Variants in ACSS3 observed in about 807,000 individuals in gnomAD.
The protein encoded by ACSS3 is acyl-CoA synthetase short-chain family member 3, mitochondrial.
A neutral mutation model predicts 84.2 loss-of-function variants in ACSS3; 64 were observed. That is an observed-to-expected ratio of 0.76 (90% confidence interval 0.62 to 0.94). The LOEUF (loss-of-function observed/expected upper bound fraction) is 0.94. Among genes scored for constraint, ACSS3 ranks in the 40% least tolerant of loss-of-function variants. The pLI, the probability that ACSS3 is intolerant of heterozygous loss-of-function variation, is 0.00. For synonymous variants in ACSS3, 317 were observed against 310.1 expected, an observed-to-expected ratio of 1.02 and a Z score of -0.23; for missense variants, 815 against 867.6, an observed-to-expected ratio of 0.94 and a Z score of 0.76.
At chr12:81,109,424 T>C in intron 1 of ACSS3, 136 bp from the exon 2 acceptor site, 1 of 888,784 alleles carries the variant, frequency 1.1e-6, no homozygotes, top group Non-Finnish European at 1.6e-6. Flanking sequence ...TTTACAGCTG[T>C]CATTACTTGA....
intron 7 of ACSS3, among the ~76,000 whole-genome samples, chr12:81,156,391 T>G (rs1206432525): frequency 6.6e-6 from 1 of 151,740 alleles, no homozygotes; most frequent in Non-Finnish European, 1.5e-5. Context: ...AGCTCCTATC[T>G]CAAGATCCTA....
At chr12:81,165,738 T>C (rs1887372315) in intron 7 of ACSS3, among the ~76,000 whole-genome samples, 1 of 152,070 alleles carries the variant, frequency 6.6e-6, no homozygotes, top group Non-Finnish European at 1.5e-5. Context: ...AAGATGACAA[T>C]TTATTTGTAA....
chr12:81,229,120 C>G (rs2033370121), intron 11 of ACSS3, among the ~76,000 whole-genome samples: 1 of 145,912 alleles, frequency 6.9e-6, no homozygotes, highest in Non-Finnish European at 1.5e-5. Flanking sequence ...TCACAGATAC[C>G]TCTTCTTTTT....
chr12:81,164,211 A>G (rs1887292879), intron 7 of ACSS3, among the ~76,000 whole-genome samples: 1 of 152,124 alleles, frequency 6.6e-6, no homozygotes, highest in Non-Finnish European at 1.5e-5. Context: ...TTAGGTACAC[A>G]GTCACTTACC....
chr12:81,092,859 G>T (rs965322483), intron 1 of ACSS3, among the ~76,000 whole-genome samples: 3 of 152,120 alleles, frequency 2.0e-5, no homozygotes, highest in South Asian at 4.1e-4. Context: ...TCGTAACATT[G>T]TTCTCAGATT....
intron 2 of ACSS3, among the ~76,000 whole-genome samples, chr12:81,111,960 T>A (rs34003738): frequency 0.063 from 9,570 of 152,220 alleles, 437 homozygotes; most frequent in Middle Eastern, 0.12. Flanking sequence ...TGGTATTTTT[T>A]ATTGGTCTGT....
At chr12:81,245,769 A>G (rs994105651) in intron 13 of ACSS3, among the ~76,000 whole-genome samples, 1 of 152,152 alleles carries the variant, frequency 6.6e-6, no homozygotes, top group African/African-American at 2.4e-5. Context: ...TGACAAATCT[A>G]AGAAGAATTG....
chr12:81,201,714 A>G (rs944524029), intron 9 of ACSS3, among the ~76,000 whole-genome samples: 1 of 152,210 alleles, frequency 6.6e-6, no homozygotes, highest in Non-Finnish European at 1.5e-5. Context: ...AATAAAATGA[A>G]TGATTCTTTC....
At chr12:81,130,273 C>A (rs531343553) in intron 2 of ACSS3, among the ~76,000 whole-genome samples, 1 of 152,318 alleles carries the variant, frequency 6.6e-6, no homozygotes, top group East Asian at 1.9e-4. Context: ...TTCTCCACAT[C>A]CTGTCCAGCA....
intron 13 of ACSS3, among the ~76,000 whole-genome samples, chr12:81,241,949 C>G (rs1317181270): frequency 2.6e-5 from 4 of 152,086 alleles, no homozygotes; most frequent in Admixed American, 6.6e-5. Context: ...AGGTTTTCTT[C>G]TAGGGTTTTT....
intron 13 of ACSS3, among the ~76,000 whole-genome samples, chr12:81,235,385 G>A (rs1280725275): frequency 6.6e-6 from 1 of 150,972 alleles, no homozygotes; most frequent in Non-Finnish European, 1.5e-5. Flanking sequence ...TGACACTGTA[G>A]CTATGTAGTG....
chr12:81,114,728 C>G (rs1288248774), intron 2 of ACSS3, among the ~76,000 whole-genome samples: 1 of 152,126 alleles, frequency 6.6e-6, no homozygotes, highest in South Asian at 2.1e-4. Flanking sequence ...AAGTTATAGT[C>G]GTTCATGCAT....
chr12:81,219,101 C>G (rs2033019266), intron 10 of ACSS3, among the ~76,000 whole-genome samples: 1 of 152,218 alleles, frequency 6.6e-6, no homozygotes, highest in Non-Finnish European at 1.5e-5. Context: ...AAAGAGATTT[C>G]TCCCATTTCA....
At chr12:81,246,921 C>A (rs2034001997) in intron 13 of ACSS3, among the ~76,000 whole-genome samples, 1 of 152,000 alleles carries the variant, frequency 6.6e-6, no homozygotes, top group African/African-American at 2.4e-5. Flanking sequence ...TGCTTATGTA[C>A]CCCCGAATCT....
At chr12:81,230,593 T>C (rs60505042) in intron 11 of ACSS3, among the ~76,000 whole-genome samples, 2,233 of 151,982 alleles carry the variant, frequency 0.015, 57 homozygotes, top group African/African-American at 0.052. Flanking sequence ...ATATTGATTA[T>C]GAAATAAGTT....
In ACSS3 at chr12:81,243,407, T is replaced by G. The variant is rs543205111; in HGVS notation, c.1720-9900T>G. 5.3e-5 allele frequency among the ~76,000 whole-genome samples: 8 copies of G among 152,298 alleles called. No homozygotes were observed. The South Asian group carries it at 1.2e-3, about 24-fold the overall frequency. Reference sequence around the variant, plus strand: ...ATTCCACGCTCATGGGTAGGAAGAATCAATATCGTGAAAATGGCCATACTG... The same window carrying G: ...ATTCCACGCTCATGGGTAGGAAGAAGCAATATCGTGAAAATGGCCATACTG... On this transcript the variant is annotated intron_variant, in intron 13 of 15. Transcript: ENST00000548058.
At chr12:81,217,986 T>C (rs182686225) in intron 10 of ACSS3, among the ~76,000 whole-genome samples, 110 of 152,338 alleles carry the variant, frequency 7.2e-4, no homozygotes, top group African/African-American at 2.6e-3. Flanking sequence ...GTAACCATTA[T>C]TATTAAACAA....
At chr12:81,148,303 A>G (rs1886441830) in intron 5 of ACSS3, among the ~76,000 whole-genome samples, 1 of 152,206 alleles carries the variant, frequency 6.6e-6, no homozygotes. Flanking sequence ...AACTGCACAC[A>G]ACATTTACAC....
At chr12:81,166,082 G>A (rs1197938840) in intron 7 of ACSS3, among the ~76,000 whole-genome samples, 3 of 152,180 alleles carry the variant, frequency 2.0e-5, no homozygotes, top group Non-Finnish European at 4.4e-5. Context: ...TTTGAAACAA[G>A]CTTCTCTGGA....
Sources: gnomAD v4.1 joint callset for allele counts (sites outside exome capture counted in the v4.1 genomes callset) on GRCh38, gnomAD v4.1.1 for gene constraint, MANE v1.5 for transcripts, NCBI Gene and HGNC (gene_info 2026-07-23, HGNC 2026-07-21) for gene names.